The following DNAJC11 variants were observed in gnomAD, a reference collection of about 807,000 sequenced individuals.
The protein encoded by DNAJC11 is DnaJ heat shock protein family (Hsp40) member C11, also known as dnaJ homolog subfamily C member 11.
Under a neutral mutation model 78.6 loss-of-function variants are expected in DNAJC11, and 15 were observed. The ratio of observed to expected loss-of-function variants is 0.19; its 90% CI spans 0.13 to 0.29. The LOEUF is 0.29. Ranked by LOEUF, DNAJC11 falls within the 10% of genes least tolerant of loss-of-function variation. DNAJC11 has a pLI of 1.00. For missense variants in DNAJC11, 547 were observed against 709.6 expected, an observed-to-expected ratio of 0.77 and a Z score of 2.60; for synonymous variants, 292 against 272.1, an observed-to-expected ratio of 1.07 and a Z score of -0.72.
At chr1:6,666,018 A>G (rs1038617966) in intron 4 of DNAJC11, among the ~76,000 whole-genome samples, 26 of 152,350 alleles carry the variant, frequency 1.7e-4, no homozygotes, top group African/African-American at 5.8e-4. Context: ...CGGTTCACCC[A>G]GGGTTTTGAT....
At chr1:6,640,548 T>C (rs572074991) in intron 10 of DNAJC11, among the ~76,000 whole-genome samples, 8 of 152,176 alleles carry the variant, frequency 5.3e-5, no homozygotes, top group Non-Finnish European at 7.4e-5. Context: ...TATAAAAAAT[T>C]TGGCCAGGCG....
chr1:6,654,763 G>GT (rs1247175507), intron 4 of DNAJC11, among the ~76,000 whole-genome samples: 1 of 147,284 alleles, frequency 6.8e-6, no homozygotes, highest in Non-Finnish European at 1.5e-5. Flanking sequence ...TTGAAACAAT[G>GT]TTTTTTTGCT....
At chr1:6,694,581 C>T (rs148296105) in intron 1 of DNAJC11, among the ~76,000 whole-genome samples, 138 of 152,130 alleles carry the variant, frequency 9.1e-4, no homozygotes, top group African/African-American at 3.1e-3. Flanking sequence ...ACTCTGCATG[C>T]GGTAAACAAC....
intron 12 of DNAJC11, 102 bp downstream of exon 12, chr1:6,638,193 T>A (rs1641816141): frequency 8.5e-7 from 1 of 1,172,262 alleles, no homozygotes. Context: ...AGCCAAGTTG[T>A]TGGAGAAGAG....
At chr1:6,694,078 C>T (rs573247071) in intron 1 of DNAJC11, among the ~76,000 whole-genome samples, 53 of 152,100 alleles carry the variant, frequency 3.5e-4, no homozygotes, top group African/African-American at 1.1e-3. Flanking sequence ...TCAAGTGATC[C>T]GCTGGCCTCA....
In DNAJC11 at chr1:6,635,437, A is replaced by C. The variant is rs1641743844; in HGVS notation, c.*238T>G. ...TTCCCTCCAGGAACTGATCCTTGGG[A>C]AAACAGCCATGGGCCAGGCTGCAGT... is the stretch of plus-strand genomic sequence containing the variant. On this transcript the variant is annotated 3_prime_UTR_variant, in exon 16 of 16. Coordinates refer to ENST00000377577, the MANE Select transcript of DNAJC11 (RefSeq NM_018198.4). 2 of 506,142 alleles carry C rather than the reference A, an allele frequency of 4.0e-6. No homozygotes were observed. The highest frequency in any genetic ancestry group is 2.6e-5 in the South Asian group (1 of 38,670). The allele number at this position is 506,142 out of a possible 1,614,324, so 31.4% of individuals were successfully genotyped here.
chr1:6,652,239 C>G (rs981302170), intron 6 of DNAJC11, among the ~76,000 whole-genome samples: 5 of 152,206 alleles, frequency 3.3e-5, no homozygotes, highest in Non-Finnish European at 5.9e-5. Context: ...TGAACCATCA[C>G]GCGGAAGAGA....
At position 6,652,923 on chromosome 1, in the gene DNAJC11, A is replaced by G; in HGVS notation, c.536T>C (p.Ile179Thr). The change falls in exon 6 of 16, where the codon ATC becomes ACC. Residue 179 changes from isoleucine to threonine, a missense_variant. By Grantham distance (89) the Ile-to-Thr change is moderately conservative. Transcript: ENST00000377577. ...EAPLTATDTA[I>T]LSGSLSTQNG... ...CTGGGTTGAGAGGCTTCCAGAGAGG[A>G]TGGCTGTGTCTGTCGCTGTCAAGGG... 1.2e-6 allele frequency: 2 copies of G among 1,614,138 alleles called. No homozygotes were observed. The highest frequency in any genetic ancestry group is 1.7e-6 in the Non-Finnish European group (2 of 1,180,012).
intron 1 of DNAJC11, among the ~76,000 whole-genome samples, chr1:6,694,898 C>G (rs1007621483): frequency 1.3e-5 from 2 of 150,998 alleles, no homozygotes; most frequent in African/African-American, 4.9e-5. Context: ...TGGCGTGAAC[C>G]CGGGAGGCGG....
intron 1 of DNAJC11, among the ~76,000 whole-genome samples, chr1:6,700,677 C>T (rs903452509): frequency 6.6e-6 from 1 of 152,196 alleles, no homozygotes; most frequent in East Asian, 1.9e-4. Flanking sequence ...GTACAAAGTT[C>T]ATTCAGCATA....
At chr1:6,701,682 G>C (rs1221104671) in intron 1 of DNAJC11, 47 bp downstream of exon 1, 2 of 1,487,406 alleles carry the variant, frequency 1.3e-6, no homozygotes, top group African/African-American at 2.9e-5. Context: ...CCTCCCGAAC[G>C]ACCGGGCTCG....
At chr1:6,652,740 G>A in intron 6 of DNAJC11, 89 bp downstream of exon 6, 2 of 1,564,568 alleles carry the variant, frequency 1.3e-6, no homozygotes, top group South Asian at 2.3e-5. Flanking sequence ...GGGCCCCCAG[G>A]GTGAGTTTGA....
intron 1 of DNAJC11, among the ~76,000 whole-genome samples, chr1:6,682,163 C>CAAA (rs60985504): frequency 0.19 from 17,823 of 93,880 alleles, 2,737 homozygotes; most frequent in Admixed American, 0.27. Context: ...ACCATAATTA[C>CAAA]AAAAAAAAAA....
In DNAJC11 at chr1:6,666,939, G is replaced by A. The variant is rs1642302812; in HGVS notation, c.378+770C>T. Reference sequence around the variant, plus strand: ...CCCTCTTTTTAAACACAGCTGAACAGTACACCGGGCCATGTTTCATTAGCC... The same window carrying A: ...CCCTCTTTTTAAACACAGCTGAACAATACACCGGGCCATGTTTCATTAGCC... On this transcript the variant is annotated intron_variant, in intron 4 of 15. Coordinates refer to ENST00000377577, the MANE Select transcript of DNAJC11 (RefSeq NM_018198.4). Among the ~76,000 whole-genome samples, 4 of 152,066 alleles carry A rather than the reference G, an allele frequency of 2.6e-5. No homozygotes were observed. The South Asian group carries it at 8.3e-4, about 32-fold the overall frequency.
chr1:6,641,404 T>TACACAC (rs765422306), intron 10 of DNAJC11, among the ~76,000 whole-genome samples: 25 of 100,184 alleles, frequency 2.5e-4, no homozygotes, highest in African/African-American at 7.5e-4. Context: ...TATATATATA[T>TACACAC]ATACACACAC....
intron 1 of DNAJC11, among the ~76,000 whole-genome samples, 189 bp downstream of exon 1, chr1:6,701,540 C>G (rs551923256): frequency 1.3e-5 from 2 of 152,098 alleles, no homozygotes; most frequent in Non-Finnish European, 1.5e-5. Context: ...CCCCGGAACC[C>G]CCGGCGGGAG....
intron 3 of DNAJC11, 128 bp from the exon 4 acceptor site, chr1:6,667,938 G>T: frequency 2.4e-6 from 2 of 817,540 alleles, no homozygotes; most frequent in South Asian, 1.6e-5. Flanking sequence ...CCTTTCCTCA[G>T]GAAGGACCCC....
chr1:6,699,749 A>G (rs529650587), intron 1 of DNAJC11, among the ~76,000 whole-genome samples: 7 of 151,552 alleles, frequency 4.6e-5, no homozygotes, highest in Non-Finnish European at 8.8e-5. Context: ...AACTTAAAGT[A>G]TAATTTAAAA....
chr1:6,638,068 G>A (rs896498326), intron 12 of DNAJC11: 1 of 455,166 alleles, frequency 2.2e-6, no homozygotes, highest in Non-Finnish European at 3.9e-6. Flanking sequence ...GGAAGAAAAA[G>A]AGGCCAATAC....
Sources: allele counts gnomAD v4.1 joint callset (sites outside exome capture counted in the v4.1 genomes callset), GRCh38; gene constraint gnomAD v4.1.1; transcripts MANE v1.5; gene names NCBI Gene and HGNC (gene_info 2026-07-23, HGNC 2026-07-21).